RYR3: variants seen among roughly 807,000 people sequenced by gnomAD.
RYR3 encodes the protein ryanodine receptor 3, also known as brain ryanodine receptor-calcium release channel.
In RYR3, 207 loss-of-function variants were observed where a neutral mutation model predicts 584.3. The observed-to-expected ratio is 0.35, with a 90% CI of 0.32 to 0.40. The LOEUF (loss-of-function observed/expected upper bound fraction) is 0.40, where lower values mean the gene tolerates loss of function less well. Among genes scored for constraint, RYR3 ranks in the 10% least tolerant of loss-of-function variants. The pLI is 1.00. For synonymous variants in RYR3, 2,416 were observed against 2,248.5 expected, an observed-to-expected ratio of 1.07 and a Z score of -2.11; for missense variants, 5,616 against 6,089.2, an observed-to-expected ratio of 0.92 and a Z score of 2.59.
intron 1 of RYR3, among the ~76,000 whole-genome samples, chr15:33,338,787 A>G (rs1176779294): frequency 6.6e-6 from 1 of 152,216 alleles, no homozygotes; most frequent in African/African-American, 2.4e-5. Flanking sequence ...AGTGAAATGA[A>G]ATAGCTAGTT....
At chr15:33,544,617 A>G (rs1048285708) in intron 8 of RYR3, among the ~76,000 whole-genome samples, 14 of 152,186 alleles carry the variant, frequency 9.2e-5, no homozygotes, top group African/African-American at 3.4e-4. Context: ...CCATTTCCTA[A>G]TTGATGTACT....
chr15:33,584,549 T>TA (rs989523331), intron 15 of RYR3, 59 bp downstream of exon 15: 75 of 777,258 alleles, frequency 9.6e-5, no homozygotes, highest in Non-Finnish European at 1.5e-4. Flanking sequence ...TTTCTTTCTG[T>TA]AAAAAAAGAA....
At chr15:33,650,675 A>G (rs28606024) in intron 31 of RYR3, among the ~76,000 whole-genome samples, 29,088 of 152,156 alleles carry the variant, frequency 0.19, 3,343 homozygotes, top group Admixed American at 0.24. Flanking sequence ...CTCATACTCA[A>G]TGACCTCAGT....
chr15:33,828,203 G>A (rs921818006), intron 85 of RYR3, among the ~76,000 whole-genome samples: 51 of 152,314 alleles, frequency 3.3e-4, no homozygotes, highest in Non-Finnish European at 5.6e-4. Flanking sequence ...CAAACTTAAT[G>A]TTGCATGTGT....
intron 1 of RYR3, among the ~76,000 whole-genome samples, chr15:33,466,836 A>G (rs1406339539): frequency 6.6e-6 from 1 of 152,228 alleles, no homozygotes; most frequent in East Asian, 1.9e-4. Flanking sequence ...TTTTCCATTC[A>G]GTTCCAGGTA....
chr15:33,831,635 T>C (rs72716804), intron 86 of RYR3, among the ~76,000 whole-genome samples: 29,175 of 152,230 alleles, frequency 0.19, 3,055 homozygotes, highest in East Asian at 0.25. Context: ...TCATGTTAAC[T>C]GTCTAGATCT....
intron 10 of RYR3, among the ~76,000 whole-genome samples, chr15:33,556,835 A>G (rs781712654): frequency 1.5e-4 from 22 of 151,110 alleles, no homozygotes; most frequent in Non-Finnish European, 3.2e-4. Context: ...ACCATCCCTA[A>G]CTCCCCGGTA....
chr15:33,590,837 C>G (rs971266327), intron 16 of RYR3, among the ~76,000 whole-genome samples: 1 of 152,154 alleles, frequency 6.6e-6, no homozygotes, highest in Non-Finnish European at 1.5e-5. Context: ...TACCTTGCCA[C>G]TTCCAATCAT....
intron 20 of RYR3, among the ~76,000 whole-genome samples, chr15:33,625,121 G>A (rs912562692): frequency 6.6e-6 from 1 of 152,194 alleles, no homozygotes; most frequent in African/African-American, 2.4e-5. Flanking sequence ...AATCATGGCG[G>A]AAGGTGAAGG....
intron 28 of RYR3, among the ~76,000 whole-genome samples, chr15:33,645,542 C>G (rs1055519775): frequency 6.6e-6 from 1 of 152,202 alleles, no homozygotes; most frequent in Admixed American, 6.5e-5. Context: ...AGAAAAGTGA[C>G]TCTTAAACTG....
chr15:33,625,469 A>G (rs1347633411), intron 20 of RYR3, among the ~76,000 whole-genome samples: 1 of 152,202 alleles, frequency 6.6e-6, no homozygotes, highest in African/African-American at 2.4e-5. Context: ...TAAGAATTAG[A>G]TCATCTGGGT....
At position 33,350,938 on chromosome 15, in the gene RYR3, C is replaced by CA. The variant is rs564312898; in HGVS notation, c.51+39848dup. ...AGCAGAACTGAAGGAAATAGAGACA[C>CA]AAAAAACCCTTCAAAAATTAATGAA... On this transcript the variant is annotated intron_variant, in intron 1 of 103. Transcript: ENST00000634891. Among the ~76,000 whole-genome samples the CA allele has an allele frequency of 7.9e-3, 1,196 of 152,100 alleles. 16 individuals carry two copies. The highest frequency in any genetic ancestry group is 0.028 in the African/African-American group (1,150 of 41,454).
chr15:33,710,541 A>T (rs939598215), intron 43 of RYR3, among the ~76,000 whole-genome samples: 3 of 151,946 alleles, frequency 2.0e-5, no homozygotes, highest in African/African-American at 7.3e-5. Context: ...CCACAGCTCC[A>T]CTAGGCAGTA....
chr15:33,861,988 C>CACTT (rs909912636), intron 102 of RYR3, among the ~76,000 whole-genome samples: 2 of 152,122 alleles, frequency 1.3e-5, no homozygotes, highest in African/African-American at 4.8e-5. Context: ...ATAAGTGTTT[C>CACTT]ACTTATTCTA....
At chr15:33,337,149 A>G (rs1971221582) in intron 1 of RYR3, among the ~76,000 whole-genome samples, 1 of 151,856 alleles carries the variant, frequency 6.6e-6, no homozygotes, top group Admixed American at 6.6e-5. Flanking sequence ...TAGGAACAAA[A>G]AGAGTACATT....
chr15:33,679,514 T>C (rs572588221), intron 38 of RYR3, among the ~76,000 whole-genome samples: 1 of 152,188 alleles, frequency 6.6e-6, no homozygotes, highest in Non-Finnish European at 1.5e-5. Flanking sequence ...AGGCTTTCAT[T>C]TGCCATTTTA....
intron 3 of RYR3, among the ~76,000 whole-genome samples, chr15:33,512,191 C>T (rs2053091299): frequency 2.0e-5 from 3 of 152,162 alleles, no homozygotes; most frequent in Non-Finnish European, 1.5e-5. Context: ...TTCATCTCAG[C>T]TTCTCGATGC....
intron 43 of RYR3, among the ~76,000 whole-genome samples, chr15:33,715,276 G>A (rs557767742): frequency 1.3e-5 from 2 of 152,280 alleles, no homozygotes; most frequent in South Asian, 4.1e-4. Flanking sequence ...CAGTGTGATT[G>A]GTACTAGACT....
intron 1 of RYR3, among the ~76,000 whole-genome samples, chr15:33,384,968 A>G (rs1024352726): frequency 1.3e-5 from 2 of 152,346 alleles, no homozygotes; most frequent in East Asian, 3.9e-4. Context: ...ACAGTAAAAT[A>G]TGACCATAAT....
Sources: gnomAD v4.1 joint callset for allele counts (sites outside exome capture counted in the v4.1 genomes callset) on GRCh38, gnomAD v4.1.1 for gene constraint, MANE v1.5 for transcripts, NCBI Gene and HGNC (gene_info 2026-07-23, HGNC 2026-07-21) for gene names.